GPC5: variants seen among roughly 807,000 people sequenced by gnomAD.
GPC5 encodes glypican-5.
Under a neutral mutation model 53.9 loss-of-function variants are expected in GPC5, and 47 were observed. That is an observed-to-expected ratio of 0.87 (90% CI 0.69 to 1.11). The LOEUF is 1.11. Among genes scored for constraint, GPC5 ranks in the 50% most tolerant of loss-of-function variants. The pLI is 0.00. For missense variants in GPC5, 748 were observed against 713.1 expected, an observed-to-expected ratio of 1.05 and a Z score of -0.56; for synonymous variants, 286 against 263.3, an observed-to-expected ratio of 1.09 and a Z score of -0.84.
chr13:91,689,674 A>C (rs527901832), intron 2 of GPC5, among the ~76,000 whole-genome samples: 6 of 151,956 alleles, frequency 3.9e-5, no homozygotes, highest in African/African-American at 1.4e-4. Flanking sequence ...ACACAAACAC[A>C]CACATTAGCC....
At chr13:91,791,213 C>T (rs756015531) in intron 5 of GPC5, among the ~76,000 whole-genome samples, 12 of 152,180 alleles carry the variant, frequency 7.9e-5, no homozygotes, top group Non-Finnish European at 1.3e-4. Flanking sequence ...GAAGAGATAG[C>T]ATTAGCAGAG....
At chr13:91,706,924 G>A (rs2036118548) in intron 3 of GPC5, among the ~76,000 whole-genome samples, 1 of 151,878 alleles carries the variant, frequency 6.6e-6, no homozygotes, top group Admixed American at 6.6e-5. Context: ...AATAAATTAA[G>A]ATTAAAACAT....
At chr13:91,992,394 C>A (rs1205341277) in intron 6 of GPC5, among the ~76,000 whole-genome samples, 4 of 151,560 alleles carry the variant, frequency 2.6e-5, no homozygotes, top group African/African-American at 9.7e-5. Context: ...CTTTAAAGAG[C>A]TAATCCATTT....
intron 7 of GPC5, among the ~76,000 whole-genome samples, chr13:92,459,893 G>A (rs1291786384): frequency 2.0e-5 from 3 of 151,902 alleles, no homozygotes; most frequent in African/African-American, 7.3e-5. Flanking sequence ...TTAGAAATAG[G>A]CAGAAAATTT....
chr13:92,299,001 C>T (rs1566527051), intron 7 of GPC5, among the ~76,000 whole-genome samples: 1 of 151,916 alleles, frequency 6.6e-6, no homozygotes, highest in Non-Finnish European at 1.5e-5. Flanking sequence ...ACAAATAAGC[C>T]GTGAATCTGA....
chr13:92,762,709 TA>T (rs1186569712), intron 7 of GPC5, among the ~76,000 whole-genome samples: 1 of 152,128 alleles, frequency 6.6e-6, no homozygotes, highest in Non-Finnish European at 1.5e-5. Context: ...ACAATGCAAA[TA>T]TTTGTTCACT....
At chr13:92,401,954 A>G (rs1875577518) in intron 7 of GPC5, among the ~76,000 whole-genome samples, 1 of 152,188 alleles carries the variant, frequency 6.6e-6, no homozygotes, top group Non-Finnish European at 1.5e-5. Context: ...TGTAGGAAGA[A>G]TAATTTGAAT....
intron 5 of GPC5, among the ~76,000 whole-genome samples, chr13:91,823,487 A>G (rs1312544504): frequency 6.6e-6 from 1 of 152,102 alleles, no homozygotes; most frequent in Non-Finnish European, 1.5e-5. Context: ...TAATGCTCCC[A>G]CTTCAACTTA....
intron 2 of GPC5, among the ~76,000 whole-genome samples, chr13:91,686,602 G>A (rs2035627926): frequency 6.6e-6 from 1 of 151,858 alleles, no homozygotes. Context: ...ATATCTTCAA[G>A]TGGCTATAAT....
intron 7 of GPC5, among the ~76,000 whole-genome samples, chr13:92,412,519 C>T (rs747887512): frequency 1.3e-5 from 2 of 152,032 alleles, no homozygotes; most frequent in Non-Finnish European, 1.5e-5. Context: ...ATTCTTAAAC[C>T]GTTGGAAAAC....
intron 6 of GPC5, among the ~76,000 whole-genome samples, chr13:92,048,447 G>T (rs765146891): frequency 3.9e-5 from 6 of 152,194 alleles, no homozygotes; most frequent in Non-Finnish European, 8.8e-5. Flanking sequence ...TTGGAGGGCA[G>T]AGTTTTATGG....
At chr13:92,740,302 A>T (rs1889049720) in intron 7 of GPC5, among the ~76,000 whole-genome samples, 3 of 152,074 alleles carry the variant, frequency 2.0e-5, no homozygotes, top group Admixed American at 6.6e-5. Context: ...ACTTCCTATT[A>T]TTCTGTCCTC....
At chr13:92,112,383 AGT>A (rs2041564546) in intron 6 of GPC5, among the ~76,000 whole-genome samples, 2 of 152,192 alleles carry the variant, frequency 1.3e-5, no homozygotes, top group African/African-American at 4.8e-5. Context: ...TAGATTAAGA[AGT>A]GATGGTCAAA....
intron 7 of GPC5, among the ~76,000 whole-genome samples, chr13:92,697,413 C>T (rs1034569798): frequency 2.6e-5 from 4 of 152,154 alleles, no homozygotes; most frequent in African/African-American, 7.2e-5. Flanking sequence ...AGGTACTTCA[C>T]AACCCTTGTA....
In GPC5 at chr13:92,751,303, TAAAAAAAAAAAAAAA is replaced by T. The variant is rs71123435; in HGVS notation, c.1562-114961_1562-114947del. 1.0e-4 allele frequency among the ~76,000 whole-genome samples: 4 copies of T among 38,766 alleles called. 1 individual carries two copies. The highest frequency in any genetic ancestry group is 1.6e-4 in the Non-Finnish European group (3 of 18,950). The allele number at this position is 38,766 out of a possible 152,430, so 25.4% of individuals were successfully genotyped here. On this transcript the variant is annotated intron_variant, in intron 7 of 7. Transcript: ENST00000377067. ...AAACCTTTGGTCATCCAGAAACATTTAAAAAAAAAAAAAAAAAAAAAAAAAAAAAAAACCTTCCAA... is the reference window on the plus strand; with the variant it reads ...AAACCTTTGGTCATCCAGAAACATTTAAAAAAAAAAAAAAAAACCTTCCAA...
chr13:92,427,181 G>T (rs373208650), intron 7 of GPC5, among the ~76,000 whole-genome samples: 1 of 151,606 alleles, frequency 6.6e-6, no homozygotes, highest in Non-Finnish European at 1.5e-5. Context: ...TCAGAATATA[G>T]CAGGTCGATT....
chr13:91,860,046 A>G (rs2039008733), intron 5 of GPC5, among the ~76,000 whole-genome samples: 1 of 152,062 alleles, frequency 6.6e-6, no homozygotes, highest in Non-Finnish European at 1.5e-5. Flanking sequence ...ATCATTGCAA[A>G]TGTTTATCAT....
intron 7 of GPC5, among the ~76,000 whole-genome samples, chr13:92,360,960 T>A (rs529623056): frequency 1.3e-5 from 2 of 151,796 alleles, no homozygotes; most frequent in South Asian, 4.1e-4. Context: ...AGATGTGAGC[T>A]TGACATAAAA....
At chr13:91,738,557 C>CT (rs1198552868) in intron 4 of GPC5, among the ~76,000 whole-genome samples, 4 of 151,080 alleles carry the variant, frequency 2.6e-5, no homozygotes, top group South Asian at 2.1e-4. Flanking sequence ...CTGTCTTGCT[C>CT]TTTTTTTTCT....
Sources: gnomAD v4.1 joint callset for allele counts (sites outside exome capture counted in the v4.1 genomes callset) on GRCh38, gnomAD v4.1.1 for gene constraint, MANE v1.5 for transcripts, NCBI Gene and HGNC (gene_info 2026-07-23, HGNC 2026-07-21) for gene names.